P4HA1: variants seen among roughly 807,000 people sequenced by gnomAD.
P4HA1 encodes the protein prolyl 4-hydroxylase subunit alpha 1, also known as prolyl 4-hydroxylase subunit alpha-1.
P4HA1 carries 24 observed loss-of-function variants against 72.8 expected under a neutral mutation model. The observed-to-expected ratio is 0.33, with a 90% CI of 0.24 to 0.46. P4HA1 has a LOEUF of 0.46. P4HA1 is among the 20% of genes least tolerant of loss of function. The probability of loss-of-function intolerance (pLI) is 1.00; values close to 1 mark genes in which losing one functional copy is unlikely to be tolerated. For synonymous variants in P4HA1, 201 were observed against 218.8 expected (o/e 0.92, Z 0.72); for missense variants, 446 against 640.6 (o/e 0.70, Z 3.28).
At chr10:73,093,901 TATATATAC>T (rs1185150105) in intron 1 of P4HA1, among the ~76,000 whole-genome samples, 36 of 77,418 alleles carry the variant, frequency 4.7e-4, no homozygotes, top group African/African-American at 1.9e-3. Context: ...TATATATATA[TATATATAC>T]ACACACACAC....
At chr10:73,009,734 T>C (rs1486292625) in intron 14 of P4HA1, 73 bp downstream of exon 14, 1 of 857,072 alleles carries the variant, frequency 1.2e-6, no homozygotes, top group Non-Finnish European at 1.9e-6. Context: ...CTTTTGTTTT[T>C]AAGACACAGA....
At chr10:73,010,400 A>T (rs576450865) in intron 13 of P4HA1, among the ~76,000 whole-genome samples, 1 of 152,222 alleles carries the variant, frequency 6.6e-6, no homozygotes. Context: ...AAAATACCAT[A>T]AAAATGTTTG....
At chr10:73,045,178 C>A in intron 8 of P4HA1, 127 bp from the exon 9 acceptor site, 1 of 671,356 alleles carries the variant, frequency 1.5e-6, no homozygotes, top group Non-Finnish European at 2.5e-6. Context: ...CATACACTTC[C>A]AGTCACCTTG....
intron 7 of P4HA1, among the ~76,000 whole-genome samples, chr10:73,050,722 T>G (rs551773437): frequency 6.6e-6 from 1 of 151,952 alleles, no homozygotes; most frequent in Admixed American, 6.6e-5. Context: ...AAAAGTTTTT[T>G]AGAGACAGGG....
chr10:73,014,173 A>T, intron 12 of P4HA1, 51 bp downstream of exon 12: 1 of 1,185,470 alleles, frequency 8.4e-7, no homozygotes, highest in Non-Finnish European at 1.3e-6. Context: ...CATTAAAATG[A>T]ATCTTGTCAT....
chr10:73,072,105 A>C lies in P4HA1; in HGVS notation c.249T>G (p.Asn83Lys). ...TCAGACGTTTCATTAATTTGAATGC[A>C]TTTACTGGATGCCCAACAAATCCTT... Reference protein sequence around the residue: ...DPEGFVGHPVNAFKLMKRLNT... With the variant: ...DPEGFVGHPVKAFKLMKRLNT... The change falls in exon 4 of 15, where the codon AAT (asparagine) becomes AAG (lysine). Residue 83 changes from asparagine (N) to lysine (K), a missense_variant. By Grantham distance (94) the Asn-to-Lys change is moderately conservative (BLOSUM62 0). Coordinates refer to ENST00000394890, the MANE Select transcript of P4HA1 (RefSeq NM_001017962.3). 1 of 1,613,118 alleles carries C rather than the reference A, an allele frequency of 6.2e-7. No individual in the cohort carries two copies. Among genetic ancestry groups the C allele is most frequent in the Non-Finnish European group, 8.5e-7 (1 of 1,179,128 alleles).
intron 9 of P4HA1, among the ~76,000 whole-genome samples, chr10:73,031,978 GATCA>G (rs1320079811): frequency 6.6e-6 from 1 of 152,096 alleles, no homozygotes; most frequent in East Asian, 1.9e-4. Context: ...AACAATCCTG[GATCA>G]ATCTCTTTTA....
intron 10 of P4HA1, among the ~76,000 whole-genome samples, chr10:73,026,666 G>T (rs1840277231): frequency 6.6e-6 from 1 of 152,160 alleles, no homozygotes; most frequent in South Asian, 2.1e-4. Context: ...AGAGTGAACA[G>T]GCAACCTACA....
In P4HA1 at chr10:73,057,275, G is replaced by C. The variant is rs1841173292; in HGVS notation, c.464-3685C>G. ...GGAGGCCGAAGCAGGCAGATCATGA[G>C]GTCAGGAGATCGCGATCATCCTGGC... On this transcript the variant is annotated intron_variant, in intron 5 of 14. Coordinates refer to ENST00000394890, the MANE Select transcript of P4HA1 (RefSeq NM_001017962.3). Among the ~76,000 whole-genome samples the C allele has an allele frequency of 2.6e-5, 4 of 151,824 alleles. No homozygotes were observed. The South Asian group carries it at 8.3e-4, about 31-fold the overall frequency.
intron 1 of P4HA1, among the ~76,000 whole-genome samples, chr10:73,088,881 T>C (rs571801706): frequency 1.3e-4 from 20 of 152,256 alleles, no homozygotes; most frequent in Non-Finnish European, 2.8e-4. Context: ...ACCACAGTCT[T>C]GGTTATTGCA....
chr10:73,091,125 C>A (rs901263078), intron 1 of P4HA1, among the ~76,000 whole-genome samples: 5 of 146,608 alleles, frequency 3.4e-5, no homozygotes, highest in Admixed American at 6.9e-5. Context: ...TTGAGAATGT[C>A]TTCATGTAAC....
At position 73,008,113 on chromosome 10, in the gene P4HA1, T is replaced by A; in HGVS notation, c.*109A>T. ...ACATGGGATGAGGTTCATGACTGAATCAATCATGGAGTGTTAGTCAATTGT... is the reference window on the plus strand; with the variant it reads ...ACATGGGATGAGGTTCATGACTGAAACAATCATGGAGTGTTAGTCAATTGT... On this transcript the variant is annotated 3_prime_UTR_variant, in exon 15 of 15. Transcript: ENST00000394890. The A allele has an allele frequency of 1.6e-6, 1 of 634,966 alleles. No individual in the cohort carries two copies. Among genetic ancestry groups the A allele is most frequent in the East Asian group, 2.6e-5 (1 of 38,864 alleles). 39.3% of individuals were successfully genotyped at this position (634,966 alleles called of 1,614,324 possible).
intron 1 of P4HA1, among the ~76,000 whole-genome samples, chr10:73,093,977 C>G (rs1375354958): frequency 7.1e-6 from 1 of 141,028 alleles, no homozygotes; most frequent in Non-Finnish European, 1.5e-5. Context: ...TTTATACACA[C>G]ACAACACATT....
At chr10:73,087,276 T>A (rs1008240491) in intron 1 of P4HA1, among the ~76,000 whole-genome samples, 1 of 150,642 alleles carries the variant, frequency 6.6e-6, no homozygotes, top group African/African-American at 2.4e-5. Flanking sequence ...TTATTTTTTT[T>A]TTTTTTTTTT....
chr10:73,041,189 G>A (rs970481899), intron 9 of P4HA1, among the ~76,000 whole-genome samples: 2 of 152,194 alleles, frequency 1.3e-5, no homozygotes, highest in Non-Finnish European at 2.9e-5. Context: ...TGGCACTGTA[G>A]CATTTGAGCA....
intron 3 of P4HA1, among the ~76,000 whole-genome samples, chr10:73,073,126 T>G (rs1841605568): frequency 7.2e-6 from 1 of 138,334 alleles, no homozygotes; most frequent in Non-Finnish European, 1.5e-5. Context: ...GCCACGATCA[T>G]GCCACTGCAC....
Position 73,026,729 on chromosome 10 carries a change from G to GA in P4HA1, c.1248+3541dup, listed in dbSNP as rs548553611. On this transcript the variant is annotated intron_variant, in intron 10 of 14. Transcript: ENST00000394890. ...CCATCTGACAAATGGCTGATATCCA[G>GA]ATCTACAAAGAACTTAAATTTACAA... 6.4e-4 allele frequency among the ~76,000 whole-genome samples: 98 copies of GA among 152,148 alleles called. 2 individuals are homozygous for GA. In the South Asian group the frequency reaches 0.02, roughly 31 times the overall value.
At chr10:73,008,509 GTACA>G (rs1395697904) in intron 14 of P4HA1, among the ~76,000 whole-genome samples, 3 of 152,126 alleles carry the variant, frequency 2.0e-5, no homozygotes, top group South Asian at 2.1e-4. Context: ...GTGCGTGTAT[GTACA>G]TACATGTATG....
chr10:73,044,094 CACAAAA>C (rs1840799431), intron 9 of P4HA1: 1 of 504,212 alleles, frequency 2.0e-6, no homozygotes. Context: ...GTCTCGAATC[CACAAAA>C]ACATTTAGAA....
Sources: gnomAD v4.1 joint callset for allele counts (sites outside exome capture counted in the v4.1 genomes callset) on GRCh38, gnomAD v4.1.1 for gene constraint, MANE v1.5 for transcripts, NCBI Gene and HGNC (gene_info 2026-07-23, HGNC 2026-07-21) for gene names.